The following PPP1R1C variants were observed in gnomAD, a reference collection of about 807,000 sequenced individuals.
PPP1R1C encodes protein phosphatase 1 regulatory subunit 1C.
PPP1R1C carries 15 observed loss-of-function variants against 17.4 expected under a neutral mutation model. The observed-to-expected ratio is 0.86, with a 90% CI of 0.58 to 1.33. The LOEUF is 1.33. Ranked by LOEUF, PPP1R1C falls within the 40% of genes most tolerant of loss-of-function variation. The pLI is 0.00. For missense variants in PPP1R1C, 143 were observed against 130.0 expected, an observed-to-expected ratio of 1.10 and a Z score of -0.48; for synonymous variants, 35 against 43.1, an observed-to-expected ratio of 0.81 and a Z score of 0.73.
chr2:182,002,579 T>G (rs1685797859), intron 2 of PPP1R1C, among the ~76,000 whole-genome samples: 1 of 152,060 alleles, frequency 6.6e-6, no homozygotes, highest in Non-Finnish European at 1.5e-5. Flanking sequence ...AAGTAATATT[T>G]GAATCCCAGC....
upstream of PPP1R1C, among the ~76,000 whole-genome samples, chr2:181,981,559 A>AT (rs1559044275): frequency 6.6e-6 from 1 of 152,134 alleles, no homozygotes; most frequent in Admixed American, 6.5e-5. Flanking sequence ...TATTACTGGG[A>AT]TTCGACCACA....
At chr2:182,027,607 G>A (rs1215758574) in intron 2 of PPP1R1C, among the ~76,000 whole-genome samples, 11 of 114,168 alleles carry the variant, frequency 9.6e-5, no homozygotes, top group Non-Finnish European at 2.0e-4. Context: ...GCTGGATTCG[G>A]TTTGCCAGTA....
In PPP1R1C at chr2:181,957,898, T is replaced by C. The variant is rs577638965; in HGVS notation, n.111+3264T>C. On this transcript the variant is annotated intron_variant and non_coding_transcript_variant, in intron 1 of 5. Transcript: ENST00000464264. This position sits in a 1 kb window ranked among gnomAD's most constrained non-coding sequence, Gnocchi z 4.2. ...AAATAATTGATAAATGATTCATGAGTCATGCCTCCCAGAGTGTGTACTCAT... is the reference window on the plus strand; with the variant it reads ...AAATAATTGATAAATGATTCATGAGCCATGCCTCCCAGAGTGTGTACTCAT... Among the ~76,000 whole-genome samples, 1 of 152,340 alleles carries C rather than the reference T, an allele frequency of 6.6e-6. No homozygotes were observed. The highest frequency in any genetic ancestry group is 1.9e-4 in the East Asian group (1 of 5,188).
chr2:181,962,708 A>G lies in PPP1R1C; in HGVS notation n.111+8074A>G, dbSNP rs1684825863. ...TGTTGACCCCAGCAGTGTTTACTCC[A>G]GAATGAAGCCTAGAGGGGTGTTTGT... is the stretch of plus-strand genomic sequence containing the variant. On this transcript the variant is annotated intron_variant and non_coding_transcript_variant, in intron 1 of 5. Transcript: ENST00000464264. The surrounding 1 kb of genome is among the most constrained non-coding windows in gnomAD (Gnocchi z 6.0). Among the ~76,000 whole-genome samples the G allele has an allele frequency of 6.6e-6, 1 of 152,248 alleles. No homozygotes were observed.
chr2:181,994,441 CT>C (rs1685558749), intron 2 of PPP1R1C, among the ~76,000 whole-genome samples: 2 of 152,100 alleles, frequency 1.3e-5, no homozygotes, highest in Admixed American at 1.3e-4. Flanking sequence ...GCTAACCTTT[CT>C]TTATTTATTG....
chr2:182,051,172 T>C (rs1435272203), intron 2 of PPP1R1C, among the ~76,000 whole-genome samples: 1 of 152,246 alleles, frequency 6.6e-6, no homozygotes, highest in Non-Finnish European at 1.5e-5. Flanking sequence ...AATATATGCA[T>C]GATTGAGACT....
At chr2:182,110,734 G>T (rs1345229486) in intron 4 of PPP1R1C, among the ~76,000 whole-genome samples, 2 of 152,072 alleles carry the variant, frequency 1.3e-5, no homozygotes, top group East Asian at 3.8e-4. Flanking sequence ...CCTGCTGATC[G>T]ATGCATTCTT....
chr2:181,961,544 T>C lies in PPP1R1C; in HGVS notation n.111+6910T>C. 1.2e-6 allele frequency: 1 copy of C among 848,066 alleles called. No individual in the cohort carries two copies. The highest frequency in any genetic ancestry group is 1.9e-6 in the Non-Finnish European group (1 of 513,626). The allele number at this position is 848,066 out of a possible 1,614,324, so 52.5% of individuals were successfully genotyped here. A position where few individuals can be genotyped will look rare whatever the true frequency, so the allele number is the denominator to read the frequency against. On this transcript the variant is annotated intron_variant and non_coding_transcript_variant, in intron 1 of 5. Transcript: ENST00000464264. The surrounding 1 kb of genome is among the most constrained non-coding windows in gnomAD (Gnocchi z 5.8). Reference sequence around the variant, plus strand: ...TCCAAGCTGGCCTTCAGATTTCTCATGGAGTCCAGGTCCATCTTTAAGGAC... The same window carrying C: ...TCCAAGCTGGCCTTCAGATTTCTCACGGAGTCCAGGTCCATCTTTAAGGAC...
intron 2 of PPP1R1C, among the ~76,000 whole-genome samples, chr2:182,058,959 C>T (rs1687768259): frequency 6.6e-6 from 1 of 151,966 alleles, no homozygotes; most frequent in African/African-American, 2.4e-5. Context: ...AACTAGTTTT[C>T]CAAAATTGAA....
intron 2 of PPP1R1C, among the ~76,000 whole-genome samples, chr2:182,051,699 A>G (rs557944857): frequency 9.6e-4 from 146 of 152,364 alleles, no homozygotes; most frequent in South Asian, 5.6e-3. Context: ...CTCACACATT[A>G]GAGTGAACTT....
intron 2 of PPP1R1C, among the ~76,000 whole-genome samples, chr2:182,051,980 G>A (rs927453259): frequency 1.3e-5 from 2 of 151,334 alleles, no homozygotes; most frequent in Non-Finnish European, 2.9e-5. Context: ...TCCAGCCTGG[G>A]CGACACAGTG....
intron 1 of PPP1R1C, among the ~76,000 whole-genome samples, chr2:181,958,100 A>G (rs1684700811): frequency 6.6e-6 from 1 of 152,210 alleles, no homozygotes; most frequent in South Asian, 2.1e-4. Flanking sequence ...ATATAAGAAC[A>G]TTTGAGCAGG....
chr2:182,050,725 A>C (rs1174884251), intron 2 of PPP1R1C, among the ~76,000 whole-genome samples: 1 of 152,210 alleles, frequency 6.6e-6, no homozygotes, highest in Non-Finnish European at 1.5e-5. Flanking sequence ...GTCATCCACA[A>C]GCCAATACTT....
downstream of PPP1R1C, among the ~76,000 whole-genome samples, chr2:182,121,992 TCTC>T (rs1332685810): frequency 6.6e-6 from 1 of 152,144 alleles, no homozygotes; most frequent in African/African-American, 2.4e-5. Flanking sequence ...AAACTTCTCT[TCTC>T]CTCCTGGCCA....
chr2:182,090,768 A>G (rs1688758372), intron 4 of PPP1R1C, among the ~76,000 whole-genome samples: 2 of 152,230 alleles, frequency 1.3e-5, no homozygotes, highest in East Asian at 3.8e-4. Flanking sequence ...CAAAACATCT[A>G]AAGTTTCAAA....
chr2:181,961,993 A>C lies in PPP1R1C; in HGVS notation n.111+7359A>C. The C allele has an allele frequency of 1.4e-6, 1 of 732,028 alleles. No homozygotes were observed. The highest frequency in any genetic ancestry group is 1.7e-5 in the Admixed American group (1 of 57,596). 45.3% of individuals were successfully genotyped at this position (732,028 alleles called of 1,614,324 possible). A position where few individuals can be genotyped will look rare whatever the true frequency, so the allele number is the denominator to read the frequency against. On this transcript the variant is annotated intron_variant and non_coding_transcript_variant, in intron 1 of 5. Transcript: ENST00000464264. The surrounding 1 kb of genome is among the most constrained non-coding windows in gnomAD (Gnocchi z 5.8). ...CTGTCTCATACTTGACTCTAAAGTC[A>C]TCGGCTGCAAGACAGGCATTGTCAA...
intron 1 of PPP1R1C, 120 bp from the exon 2 acceptor site, chr2:181,987,719 C>A: frequency 1.1e-6 from 1 of 896,146 alleles, no homozygotes; most frequent in Non-Finnish European, 1.8e-6. Flanking sequence ...CATGTGTCCT[C>A]CAGAAATTTG....
At chr2:182,036,700 T>A (rs1687017055) in intron 2 of PPP1R1C, among the ~76,000 whole-genome samples, 2 of 151,808 alleles carry the variant, frequency 1.3e-5, no homozygotes, top group Non-Finnish European at 2.9e-5. Flanking sequence ...TCTCTCTATG[T>A]GTTTGTGTGT....
chr2:182,052,386 G>C (rs1408257321), intron 2 of PPP1R1C, among the ~76,000 whole-genome samples: 1 of 152,316 alleles, frequency 6.6e-6, no homozygotes, highest in South Asian at 2.1e-4. Flanking sequence ...TCTCCTGTTA[G>C]AGCAGACATG....
Sources: allele counts gnomAD v4.1 joint callset (sites outside exome capture counted in the v4.1 genomes callset), GRCh38; gene constraint gnomAD v4.1.1; non-coding constraint Gnocchi (gnomAD v3.1); transcripts MANE v1.5; gene names NCBI Gene and HGNC (gene_info 2026-07-23, HGNC 2026-07-21).